CADPS2: variants seen among roughly 807,000 people sequenced by gnomAD.
CADPS2 encodes the protein calcium-dependent secretion activator 2.
Under a neutral mutation model 172.5 loss-of-function variants are expected in CADPS2, and 93 were observed. That is an observed-to-expected ratio of 0.54 (90% confidence interval 0.46 to 0.64). The LOEUF (loss-of-function observed/expected upper bound fraction) is 0.64. CADPS2 is among the 30% of genes least tolerant of loss of function. The probability of loss-of-function intolerance (pLI) is 0.00; values close to 1 mark genes in which losing one functional copy is unlikely to be tolerated. For missense variants in CADPS2, 1,420 were observed against 1,565.9 expected, an observed-to-expected ratio of 0.91 and a Z score of 1.57; for synonymous variants, 546 against 555.2, an observed-to-expected ratio of 0.98 and a Z score of 0.23.
rs996162045 is a variant in CADPS2 at position 122,323,865 on chromosome 7, T to C, written c.3717+1612A>G. Among the ~76,000 whole-genome samples the C allele has an allele frequency of 7.3e-5, 10 of 136,872 alleles. No individual in the cohort carries two copies. In the South Asian group the frequency reaches 2.3e-3, roughly 31 times the overall value. The allele number at this position is 136,872 out of a possible 152,430, so 89.8% of individuals were successfully genotyped here. A position where few individuals can be genotyped will look rare whatever the true frequency, so the allele number is the denominator to read the frequency against. ...TATATATATGCATATTATATACATA[T>C]GTATATTTTATATATATATATATAT... On this transcript the variant is annotated intron_variant, in intron 29 of 29. Coordinates refer to ENST00000449022, the MANE Select transcript of CADPS2 (RefSeq NM_017954.11).
At chr7:122,838,201 C>G (rs926357730) in intron 1 of CADPS2, among the ~76,000 whole-genome samples, 13 of 152,130 alleles carry the variant, frequency 8.5e-5, no homozygotes, top group African/African-American at 3.1e-4. Context: ...TCAACAGATG[C>G]AGAAAAGGCC....
intron 19 of CADPS2, among the ~76,000 whole-genome samples, chr7:122,411,510 G>A (rs1341242833): frequency 3.9e-5 from 6 of 152,034 alleles, no homozygotes; most frequent in Admixed American, 6.5e-5. Flanking sequence ...GTGAGCCACC[G>A]CACCTGGCCT....
intron 2 of CADPS2, among the ~76,000 whole-genome samples, chr7:122,708,536 T>G (rs2088031809): frequency 2.8e-4 from 1 of 3,634 alleles, no homozygotes; most frequent in African/African-American, 6.5e-4. Context: ...TATATATATA[T>G]ATATATATAT....
At chr7:122,815,618 CA>C (rs34031054) in intron 1 of CADPS2, among the ~76,000 whole-genome samples, 30,055 of 151,296 alleles carry the variant, frequency 0.2, 3,064 homozygotes, top group Middle Eastern at 0.3. Context: ...TAATGAAATA[CA>C]AAAAAAATTC....
At chr7:122,515,349 C>A (rs1208775564) in intron 8 of CADPS2, among the ~76,000 whole-genome samples, 1 of 152,154 alleles carries the variant, frequency 6.6e-6, no homozygotes, top group Admixed American at 6.6e-5. Flanking sequence ...CTAATTTCTT[C>A]TCTGTGGTTC....
intron 2 of CADPS2, chr7:122,702,143 G>A (rs539090894): frequency 2.5e-6 from 4 of 1,613,688 alleles, no homozygotes. Context: ...GTAAAAGTAG[G>A]CAATTGTGGC....
chr7:122,614,991 C>T (rs970389514), intron 6 of CADPS2, among the ~76,000 whole-genome samples, 190 bp downstream of exon 6: 3 of 152,120 alleles, frequency 2.0e-5, no homozygotes, highest in African/African-American at 7.2e-5. Context: ...AGGGATTCTG[C>T]CAAAATTCCA....
At chr7:122,681,163 G>A (rs924615879) in intron 2 of CADPS2, among the ~76,000 whole-genome samples, 1 of 150,964 alleles carries the variant, frequency 6.6e-6, no homozygotes, top group African/African-American at 2.4e-5. Context: ...AGCATTGGGA[G>A]ATATACCTAA....
At chr7:122,608,392 A>C (rs914888026) in intron 6 of CADPS2, among the ~76,000 whole-genome samples, 2 of 152,200 alleles carry the variant, frequency 1.3e-5, no homozygotes, top group Non-Finnish European at 2.9e-5. Context: ...ATCTTGGTTT[A>C]TATGCAGTCT....
Position 122,318,620 on chromosome 7 carries a change from C to T in CADPS2, c.*1545G>A, listed in dbSNP as rs541509301. 120 of 152,226 alleles carry T rather than the reference C, an allele frequency of 7.9e-4. No individual in the cohort carries two copies. Among genetic ancestry groups the T allele is most frequent in the African/African-American group, 2.4e-3 (100 of 41,528 alleles). 9.4% of individuals were successfully genotyped at this position (152,226 alleles called of 1,614,324 possible). ...GAGAAGAAAAGGAGGGAGAACATTC[C>T]CAAACTGCCTTTCAAAGATAGTGAG... On this transcript the variant is annotated 3_prime_UTR_variant, in exon 30 of 30. Transcript: ENST00000449022.
chr7:122,720,533 G>T (rs1009976392), intron 2 of CADPS2, among the ~76,000 whole-genome samples: 3 of 150,648 alleles, frequency 2.0e-5, no homozygotes, highest in East Asian at 3.9e-4. Flanking sequence ...TGTGTATGCA[G>T]ATATGTATGT....
intron 5 of CADPS2, among the ~76,000 whole-genome samples, chr7:122,618,247 G>A (rs375574512): frequency 1.3e-5 from 2 of 152,014 alleles, no homozygotes; most frequent in Non-Finnish European, 2.9e-5. Flanking sequence ...AATCCTGAAC[G>A]GCTGTTTTTT....
At chr7:122,824,267 G>A (rs1329186497) in intron 1 of CADPS2, among the ~76,000 whole-genome samples, 2 of 152,180 alleles carry the variant, frequency 1.3e-5, no homozygotes, top group African/African-American at 4.8e-5. Flanking sequence ...GGGAGGATAA[G>A]GATCTTGTGC....
intron 9 of CADPS2, among the ~76,000 whole-genome samples, chr7:122,507,435 G>T (rs898701025): frequency 2.6e-5 from 4 of 152,116 alleles, no homozygotes; most frequent in Admixed American, 2.0e-4. Context: ...AGGTGCCTTT[G>T]GTGGGGGTAT....
chr7:122,661,603 A>G (rs1312567411), intron 3 of CADPS2, among the ~76,000 whole-genome samples: 1 of 152,220 alleles, frequency 6.6e-6, no homozygotes, highest in Non-Finnish European at 1.5e-5. Flanking sequence ...TGAGACATAT[A>G]AAGAGCTTGA....
intron 7 of CADPS2, among the ~76,000 whole-genome samples, chr7:122,568,704 G>T (rs954025330): frequency 6.6e-6 from 1 of 151,896 alleles, no homozygotes; most frequent in Admixed American, 6.6e-5. Flanking sequence ...ATAAATCAAA[G>T]ACTAAATGTA....
At chr7:122,491,894 GT>G (rs936598207) in intron 9 of CADPS2, among the ~76,000 whole-genome samples, 1 of 152,104 alleles carries the variant, frequency 6.6e-6, no homozygotes, top group African/African-American at 2.4e-5. Flanking sequence ...TTTTAACAAA[GT>G]AAAAAAAGAT....
intron 7 of CADPS2, among the ~76,000 whole-genome samples, chr7:122,564,472 C>A (rs555839026): frequency 2.0e-5 from 3 of 152,126 alleles, no homozygotes; most frequent in East Asian, 3.9e-4. Context: ...CCATGCCTGG[C>A]TAATTTTTGT....
At chr7:122,799,616 AAAAAG>A (rs1396865372) in intron 1 of CADPS2, among the ~76,000 whole-genome samples, 4 of 151,562 alleles carry the variant, frequency 2.6e-5, no homozygotes, top group African/African-American at 7.3e-5. Context: ...AAAAAAAAAA[AAAAAG>A]AAAAGAAGTA....
Sources: gnomAD v4.1 joint callset for allele counts (sites outside exome capture counted in the v4.1 genomes callset) on GRCh38, gnomAD v4.1.1 for gene constraint, MANE v1.5 for transcripts, NCBI Gene and HGNC (gene_info 2026-07-23, HGNC 2026-07-21) for gene names.